The following KCNMA1 variants were observed in gnomAD, a reference collection of about 807,000 sequenced individuals.
The protein encoded by KCNMA1 is Calcium-activated potassium channel subunit alpha-1.
KCNMA1 carries 29 observed loss-of-function variants against 140.0 expected under a neutral mutation model. The observed-to-expected ratio is 0.21, with a 90% confidence interval of 0.15 to 0.28. The LOEUF is 0.28. Among genes scored for constraint, KCNMA1 ranks in the 10% least tolerant of loss-of-function variants. The probability of loss-of-function intolerance (pLI) is 1.00; values close to 1 mark genes in which losing one functional copy is unlikely to be tolerated. For synonymous variants in KCNMA1, 612 were observed against 611.9 expected (o/e 1.00, Z 0.00); for missense variants, 880 against 1,602.2 (o/e 0.55, Z 7.70).
intron 3 of KCNMA1, among the ~76,000 whole-genome samples, chr10:77,244,996 C>G (rs1206101879): frequency 1.3e-5 from 2 of 152,050 alleles, no homozygotes; most frequent in Non-Finnish European, 2.9e-5. Flanking sequence ...TGAACTTTCC[C>G]TACCCATAAT....
Position 77,559,220 on chromosome 10 carries a change from T to C in KCNMA1, c.378+78045A>G, listed in dbSNP as rs142089394. On this transcript the variant is annotated intron_variant, in intron 1 of 27. Transcript: ENST00000286628. ...TGAGAAGCACACACTGGTGCATCCC[T>C]ACCAGGGTGAAAATATTGAAATCCT... 4.6e-5 allele frequency among the ~76,000 whole-genome samples: 7 copies of C among 152,352 alleles called. No individual in the cohort carries two copies. The East Asian group carries it at 1.4e-3, about 29-fold the overall frequency.
chr10:77,251,952 A>G (rs1419342275), intron 2 of KCNMA1, among the ~76,000 whole-genome samples: 1 of 152,230 alleles, frequency 6.6e-6, no homozygotes, highest in Non-Finnish European at 1.5e-5. Context: ...GTGGACATAC[A>G]TAAAGATATA....
chr10:76,995,952 C>A (rs2084175931), intron 19 of KCNMA1, among the ~76,000 whole-genome samples: 2 of 152,186 alleles, frequency 1.3e-5, no homozygotes, highest in South Asian at 4.1e-4. Context: ...CAAAGAATTT[C>A]TTTTGAGAAG....
chr10:77,495,966 C>G (rs910174822), intron 1 of KCNMA1, among the ~76,000 whole-genome samples: 1 of 152,200 alleles, frequency 6.6e-6, no homozygotes, highest in Admixed American at 6.5e-5. Flanking sequence ...GGCACCAAGG[C>G]AGGCTGAGCC....
intron 1 of KCNMA1, among the ~76,000 whole-genome samples, chr10:77,569,929 C>T (rs896698805): frequency 1.2e-4 from 18 of 152,018 alleles, no homozygotes; most frequent in Non-Finnish European, 2.2e-4. Flanking sequence ...GGGCAAAGGA[C>T]ATGAACAGAC....
At chr10:77,390,594 A>T (rs943093797) in intron 2 of KCNMA1, among the ~76,000 whole-genome samples, 3 of 152,200 alleles carry the variant, frequency 2.0e-5, no homozygotes, top group Non-Finnish European at 2.9e-5. Flanking sequence ...TCCACCCCTG[A>T]GGCATAACAC....
intron 24 of KCNMA1, chr10:76,913,431 G>A (rs2152418387): frequency 6.6e-6 from 1 of 152,348 alleles, no homozygotes; most frequent in Admixed American, 6.5e-5. Context: ...CACGTGGGTG[G>A]CTGCTAACCT....
At chr10:76,962,619 A>G (rs1158592520) in intron 20 of KCNMA1, among the ~76,000 whole-genome samples, 1 of 152,232 alleles carries the variant, frequency 6.6e-6, no homozygotes, top group African/African-American at 2.4e-5. Flanking sequence ...GAACAGCCAG[A>G]GAGACTGAAG....
chr10:77,374,736 A>C (rs1405999759), intron 2 of KCNMA1, among the ~76,000 whole-genome samples: 2 of 152,184 alleles, frequency 1.3e-5, no homozygotes, highest in Non-Finnish European at 2.9e-5. Flanking sequence ...GTAGGAGGGA[A>C]TACAAACCCC....
intron 2 of KCNMA1, among the ~76,000 whole-genome samples, chr10:77,294,137 T>C (rs2074234918): frequency 6.6e-6 from 1 of 152,236 alleles, no homozygotes. Context: ...CAAGAAGACA[T>C]AGTGCTGTGT....
chr10:77,456,605 G>A (rs1452543463), intron 1 of KCNMA1, among the ~76,000 whole-genome samples: 2 of 152,214 alleles, frequency 1.3e-5, no homozygotes, highest in East Asian at 3.9e-4. Flanking sequence ...TGCTGAAGGA[G>A]GGAGGCTGCA....
chr10:77,064,886 C>T (rs2153683483), intron 14 of KCNMA1, among the ~76,000 whole-genome samples: 1 of 152,334 alleles, frequency 6.6e-6, no homozygotes, highest in African/African-American at 2.4e-5. Context: ...ATAACCAAAT[C>T]TAACCAGCCT....
intron 2 of KCNMA1, among the ~76,000 whole-genome samples, chr10:77,367,666 A>T (rs991630517): frequency 6.6e-6 from 1 of 152,188 alleles, no homozygotes; most frequent in African/African-American, 2.4e-5. Context: ...GATACAGAAC[A>T]ACTCTGCCCC....
chr10:77,578,737 C>T (rs1344792425), intron 1 of KCNMA1, among the ~76,000 whole-genome samples: 2 of 152,218 alleles, frequency 1.3e-5, no homozygotes, highest in Admixed American at 6.5e-5. Context: ...TTCCTGGGTT[C>T]CTTATCTAGA....
intron 13 of KCNMA1, among the ~76,000 whole-genome samples, chr10:77,077,244 CCT>C (rs1480892297): frequency 1.3e-5 from 2 of 152,142 alleles, no homozygotes; most frequent in Non-Finnish European, 2.9e-5. Context: ...AACAAAATGC[CCT>C]GTGTCAAAGT....
chr10:77,287,003 T>C (rs1236029632), intron 2 of KCNMA1, among the ~76,000 whole-genome samples: 3 of 152,218 alleles, frequency 2.0e-5, no homozygotes, highest in Non-Finnish European at 4.4e-5. Flanking sequence ...TACTGAGCTA[T>C]GGCCTTCATC....
intron 1 of KCNMA1, among the ~76,000 whole-genome samples, chr10:77,522,230 A>G (rs180879081): frequency 6.7e-6 from 1 of 150,124 alleles, no homozygotes; most frequent in South Asian, 2.1e-4. Flanking sequence ...CTTCCTGCAC[A>G]TTCCCATGAG....
At chr10:77,520,113 T>C (rs2052516689) in intron 1 of KCNMA1, among the ~76,000 whole-genome samples, 1 of 148,132 alleles carries the variant, frequency 6.8e-6, no homozygotes, top group South Asian at 2.1e-4. Context: ...GTGTGCAGTG[T>C]GAGGTCCGGG....
At chr10:76,935,820 T>C (rs2060411057) in intron 23 of KCNMA1, among the ~76,000 whole-genome samples, 1 of 152,202 alleles carries the variant, frequency 6.6e-6, no homozygotes, top group African/African-American at 2.4e-5. Flanking sequence ...GGGACATGAA[T>C]CTGCTCTGCA....
Sources: gnomAD v4.1 joint callset for allele counts (sites outside exome capture counted in the v4.1 genomes callset) on GRCh38, gnomAD v4.1.1 for gene constraint, MANE v1.5 for transcripts, NCBI Gene and HGNC (gene_info 2026-07-23, HGNC 2026-07-21) for gene names.